Variants in KCND2 observed in about 807,000 individuals in gnomAD.
KCND2 encodes potassium voltage-gated channel subfamily D member 2.
A neutral mutation model predicts 54.4 loss-of-function variants in KCND2; 16 were observed. The observed-to-expected ratio is 0.29, with a 90% CI of 0.20 to 0.45. The LOEUF (loss-of-function observed/expected upper bound fraction) is 0.45. KCND2 is among the 20% of genes least tolerant of loss of function. The pLI is 1.00. For missense variants in KCND2, 486 were observed against 824.2 expected (o/e 0.59, Z 5.02); for synonymous variants, 317 against 310.7 (o/e 1.02, Z -0.21).
At chr7:120,594,072 G>GA (rs978301618) in intron 1 of KCND2, among the ~76,000 whole-genome samples, 2 of 152,120 alleles carry the variant, frequency 1.3e-5, no homozygotes, top group African/African-American at 2.4e-5. Context: ...TTGGAACTCT[G>GA]ATACATAAAG....
rs905524935 is a variant in KCND2, at chr7:120,273,215, T to C, written c.-1418T>C. Among the ~76,000 whole-genome samples, 5 of 152,054 alleles carry C rather than the reference T, an allele frequency of 3.3e-5. No individual in the cohort carries two copies. The highest frequency in any genetic ancestry group is 1.3e-4 in the Admixed American group (2 of 15,260). ...GGGCGTGCGCGCGGTTATTTATTTA[T>C]TTTCTCCTTATTTATTGATCGCACT... On this transcript the variant is annotated 5_prime_UTR_variant, in exon 1 of 6. Coordinates refer to ENST00000331113, the MANE Select transcript of KCND2 (RefSeq NM_012281.3).
chr7:120,529,539 C>T (rs143499776), intron 1 of KCND2, among the ~76,000 whole-genome samples: 12 of 152,254 alleles, frequency 7.9e-5, no homozygotes, highest in African/African-American at 2.4e-4. Flanking sequence ...CCCCTGAGTA[C>T]GAGAAGTCAC....
chr7:120,406,256 G>A lies in KCND2; in HGVS notation c.1115+130509G>A, dbSNP rs566177800. On this transcript the variant is annotated intron_variant, in intron 1 of 5. Coordinates refer to ENST00000331113, the MANE Select transcript of KCND2 (RefSeq NM_012281.3). ...TAATTCAAATAAAATTCAAAGTGGT[G>A]TATTTAAAATACACACTTTTCTTCT... Among the ~76,000 whole-genome samples the A allele has an allele frequency of 3.9e-5, 6 of 152,034 alleles. No individual in the cohort carries two copies. In the South Asian group the frequency reaches 8.3e-4, roughly 21 times the overall value.
chr7:120,476,786 C>T (rs1030909956), intron 1 of KCND2, among the ~76,000 whole-genome samples: 3 of 151,962 alleles, frequency 2.0e-5, no homozygotes, highest in Non-Finnish European at 4.4e-5. Context: ...GACAATGCAA[C>T]CTAATAAAAT....
intron 1 of KCND2, among the ~76,000 whole-genome samples, chr7:120,324,907 C>T (rs1397994107): frequency 4.0e-4 from 55 of 136,594 alleles, no homozygotes; most frequent in Admixed American, 9.0e-4. Context: ...GCCATTTTCA[C>T]GATATTGATT....
Position 120,506,025 on chromosome 7 carries a change from C to A in KCND2, c.1116-226878C>A, listed in dbSNP as rs574381068. 5.3e-5 allele frequency among the ~76,000 whole-genome samples: 8 copies of A among 150,436 alleles called. No homozygotes were observed. The South Asian group carries it at 1.7e-3, about 32-fold the overall frequency. ...TAAAAGTATTTATTGTATTTTCTTCCAATACTTTAAACTGTTTGTTAATTT... is the reference window on the plus strand; with the variant it reads ...TAAAAGTATTTATTGTATTTTCTTCAAATACTTTAAACTGTTTGTTAATTT... On this transcript the variant is annotated intron_variant, in intron 1 of 5. Coordinates refer to ENST00000331113, the MANE Select transcript of KCND2 (RefSeq NM_012281.3).
At chr7:120,422,087 G>A (rs1175299921) in intron 1 of KCND2, among the ~76,000 whole-genome samples, 1 of 152,162 alleles carries the variant, frequency 6.6e-6, no homozygotes, top group African/African-American at 2.4e-5. Context: ...TGAAGGGGTG[G>A]ATCCTCTCAT....
chr7:120,616,661 A>G (rs373811647), intron 1 of KCND2, among the ~76,000 whole-genome samples: 2 of 152,184 alleles, frequency 1.3e-5, no homozygotes, highest in African/African-American at 4.8e-5. Flanking sequence ...ACAATATAGA[A>G]TATACTTTGC....
chr7:120,511,125 A>T (rs1234854946), intron 1 of KCND2, among the ~76,000 whole-genome samples: 1 of 151,698 alleles, frequency 6.6e-6, no homozygotes, highest in Non-Finnish European at 1.5e-5. Context: ...ACATGTCATG[A>T]ACACTACAAG....
intron 1 of KCND2, among the ~76,000 whole-genome samples, chr7:120,587,612 C>A (rs747172764): frequency 2.6e-5 from 4 of 152,088 alleles, no homozygotes; most frequent in Non-Finnish European, 5.9e-5. Flanking sequence ...CATAAGATGA[C>A]CTTTCTCTTT....
intron 1 of KCND2, among the ~76,000 whole-genome samples, chr7:120,660,329 C>T (rs1791850751): frequency 6.6e-6 from 1 of 152,096 alleles, no homozygotes. Flanking sequence ...AAAAGAGAAA[C>T]AATGATTATA....
intron 1 of KCND2, among the ~76,000 whole-genome samples, chr7:120,695,213 T>TTA (rs955741471): frequency 2.8e-4 from 42 of 150,880 alleles, no homozygotes; most frequent in East Asian, 7.7e-4. Context: ...TTTATATATA[T>TTA]TATATATATA....
chr7:120,606,428 G>T lies in KCND2; in HGVS notation c.1116-126475G>T, dbSNP rs182137358. Among the ~76,000 whole-genome samples, 104 of 152,072 alleles carry T rather than the reference G, an allele frequency of 6.8e-4. 1 individual carries two copies. The highest frequency in any genetic ancestry group is 6.8e-3 in the Admixed American group (104 of 15,250). ...TTTTCTTCTGTTGCTGGTGCTTTTG[G>T]TGTTGTATCTAACAAATCATTGTTT... On this transcript the variant is annotated intron_variant, in intron 1 of 5. Transcript: ENST00000331113.
At chr7:120,587,975 A>G (rs1792621349) in intron 1 of KCND2, among the ~76,000 whole-genome samples, 1 of 152,164 alleles carries the variant, frequency 6.6e-6, no homozygotes, top group South Asian at 2.1e-4. Flanking sequence ...TATGTTATAA[A>G]TATGTTTATA....
intron 1 of KCND2, among the ~76,000 whole-genome samples, chr7:120,499,460 C>A (rs1005830968): frequency 6.6e-6 from 1 of 152,092 alleles, no homozygotes; most frequent in Non-Finnish European, 1.5e-5. Flanking sequence ...ATTTTGTGCA[C>A]TGTGTTTGGG....
intron 1 of KCND2, among the ~76,000 whole-genome samples, chr7:120,529,111 A>T (rs750571167): frequency 1.3e-5 from 2 of 152,154 alleles, no homozygotes; most frequent in Non-Finnish European, 2.9e-5. Flanking sequence ...TGGAAGAGTG[A>T]ATGTTTCTCT....
At chr7:120,691,030 A>T (rs1445920210) in intron 1 of KCND2, among the ~76,000 whole-genome samples, 1 of 151,660 alleles carries the variant, frequency 6.6e-6, no homozygotes, top group East Asian at 2.0e-4. Flanking sequence ...GGGAAAGAGA[A>T]GTCCACGCAA....
At chr7:120,442,202 A>G (rs1037177609) in intron 1 of KCND2, among the ~76,000 whole-genome samples, 1 of 152,090 alleles carries the variant, frequency 6.6e-6, no homozygotes, top group East Asian at 1.9e-4. Context: ...CAATTAAAGA[A>G]CTGAAGAAAA....
chr7:120,391,133 G>T (rs561180316), intron 1 of KCND2, among the ~76,000 whole-genome samples: 7 of 152,008 alleles, frequency 4.6e-5, no homozygotes, highest in Admixed American at 3.3e-4. Context: ...TGCTCTCATT[G>T]TTCAACTCCC....
Sources: allele counts gnomAD v4.1 joint callset (sites outside exome capture counted in the v4.1 genomes callset), GRCh38; gene constraint gnomAD v4.1.1; transcripts MANE v1.5; gene names NCBI Gene and HGNC (gene_info 2026-07-23, HGNC 2026-07-21).